The following ARHGEF26 variants were observed in gnomAD, a reference collection of about 807,000 sequenced individuals.
ARHGEF26 encodes the protein Rho guanine nucleotide exchange factor 26, also known as Rho guanine nucleotide exchange factor (GEF) 26.
In ARHGEF26, 59 loss-of-function variants were observed where a neutral mutation model predicts 89.4. The observed-to-expected ratio is 0.66, with a 90% CI of 0.54 to 0.82. The LOEUF is 0.82. Among genes scored for constraint, ARHGEF26 ranks in the 40% least tolerant of loss-of-function variants. The pLI is 0.00. For synonymous variants in ARHGEF26, 500 were observed against 428.4 expected (o/e 1.17, Z -2.06); for missense variants, 1,234 against 1,085.6 (o/e 1.14, Z -1.92).
At chr3:154,140,901 A>T (rs1719329859) in intron 4 of ARHGEF26, among the ~76,000 whole-genome samples, 1 of 150,654 alleles carries the variant, frequency 6.6e-6, no homozygotes, top group Non-Finnish European at 1.5e-5. Flanking sequence ...CATAACTTAC[A>T]CTTGAGCACT....
At chr3:154,171,863 G>T (rs10935978) in intron 6 of ARHGEF26, among the ~76,000 whole-genome samples, 23,326 of 152,082 alleles carry the variant, frequency 0.15, 2,142 homozygotes, top group East Asian at 0.38. Context: ...ATATTGAGAA[G>T]TTGGGGGTGG....
At position 154,122,289 on chromosome 3, in the gene ARHGEF26, G is replaced by A. The variant is rs1265346152; in HGVS notation, c.297G>A (p.Pro99=). The A allele has an allele frequency of 1.9e-6, 3 of 1,612,592 alleles. No homozygotes were observed. Among genetic ancestry groups the A allele is most frequent in the East Asian group, 4.5e-5 (2 of 44,832 alleles). The part of the protein sequence containing the change: ...RAVANGGTAS[P]EYRAASPRLR... The stretch of plus-strand genomic sequence containing the variant: ...TGGCCAATGGTGGGACGGCATCCCC[G>A]GAGTACAGGGCTGCCTCTCCTCGAC... The change falls in exon 2 of 15, where the codon CCG becomes CCA. Residue 99 remains proline, a synonymous_variant. Transcript: ENST00000465093.
intron 9 of ARHGEF26, among the ~76,000 whole-genome samples, chr3:154,209,720 G>A (rs921362947): frequency 6.6e-6 from 1 of 152,134 alleles, no homozygotes; most frequent in Non-Finnish European, 1.5e-5. Flanking sequence ...CACAGTGCTG[G>A]ATCTCGCTCA....
chr3:154,192,372 A>G (rs907374400), intron 8 of ARHGEF26, among the ~76,000 whole-genome samples: 1 of 152,242 alleles, frequency 6.6e-6, no homozygotes, highest in Non-Finnish European at 1.5e-5. Flanking sequence ...ATTCTTTAAA[A>G]ATGCTGAAAT....
intron 6 of ARHGEF26, among the ~76,000 whole-genome samples, chr3:154,156,737 G>GT (rs1720362049): frequency 1.3e-5 from 2 of 152,196 alleles, no homozygotes; most frequent in South Asian, 4.1e-4. Flanking sequence ...TGACACCCAA[G>GT]TGTTGGTAAC....
intron 6 of ARHGEF26, among the ~76,000 whole-genome samples, chr3:154,162,120 G>A (rs1355415697): frequency 6.6e-6 from 1 of 152,132 alleles, no homozygotes; most frequent in Non-Finnish European, 1.5e-5. Flanking sequence ...AACAATGACT[G>A]GGGTTTGGTT....
chr3:154,177,373 A>G (rs896415905), intron 6 of ARHGEF26, among the ~76,000 whole-genome samples: 2 of 152,196 alleles, frequency 1.3e-5, no homozygotes, highest in Admixed American at 1.3e-4. Flanking sequence ...AGCTTCCTAC[A>G]AGTGAAACCA....
At chr3:154,213,947 C>G (rs1292286011) in intron 9 of ARHGEF26, among the ~76,000 whole-genome samples, 1 of 152,116 alleles carries the variant, frequency 6.6e-6, no homozygotes, top group East Asian at 1.9e-4. Context: ...AGTCTGTGCT[C>G]TCCAGTCTTT....
intron 11 of ARHGEF26, among the ~76,000 whole-genome samples, chr3:154,228,437 T>A (rs887657633): frequency 2.3e-5 from 2 of 85,370 alleles, no homozygotes; most frequent in African/African-American, 7.2e-5. Flanking sequence ...GCACCTGGCC[T>A]TTTTTTTTTT....
rs542304200 is a variant in ARHGEF26, at chr3:154,156,794, C to T, written c.1487+3862C>T. On this transcript the variant is annotated intron_variant, in intron 6 of 14. Coordinates refer to ENST00000465093, the MANE Select transcript of ARHGEF26 (RefSeq NM_015595.4). ...AAGAGTTTGCAGTCCCAAGAAAATG[C>T]GAAATAAAATCTTGAGTAAAATAAA... 5.9e-5 allele frequency among the ~76,000 whole-genome samples: 9 copies of T among 152,128 alleles called. No homozygotes were observed. The East Asian group carries it at 9.6e-4, about 16-fold the overall frequency.
At chr3:154,158,879 A>G (rs1266177492) in intron 6 of ARHGEF26, among the ~76,000 whole-genome samples, 3 of 152,130 alleles carry the variant, frequency 2.0e-5, no homozygotes, top group Non-Finnish European at 4.4e-5. Context: ...GTGTTAATAT[A>G]AAAAGACCTA....
chr3:154,122,661 G>A lies in ARHGEF26; in HGVS notation c.669G>A (p.Gln223=). 6.2e-7 allele frequency: 1 copy of A among 1,613,916 alleles called. No homozygotes were observed. The highest frequency in any genetic ancestry group is 8.5e-7 in the Non-Finnish European group (1 of 1,179,888). Residue 223 remains glutamine, a synonymous_variant, in exon 2 of 15, where the codon CAG becomes CAA. Coordinates refer to ENST00000465093, the MANE Select transcript of ARHGEF26 (RefSeq NM_015595.4). The part of the protein sequence containing the change: ...QKLPLQRLPS[Q]ENELLENPSV... ...TCCCCCTCCAAAGGCTGCCCTCCCA[G>A]GAGAACGAGCTCCTCGAGAATCCTT...
intron 9 of ARHGEF26, among the ~76,000 whole-genome samples, chr3:154,215,758 T>C (rs945875332): frequency 6.6e-6 from 1 of 152,122 alleles, no homozygotes; most frequent in Admixed American, 6.5e-5. Context: ...ATCCTGTCTC[T>C]TCTTATAAGG....
chr3:154,149,275 G>A (rs1719874805), intron 4 of ARHGEF26, 114 bp from the exon 5 acceptor site: 1 of 642,904 alleles, frequency 1.6e-6, no homozygotes, highest in East Asian at 2.8e-5. Flanking sequence ...TCAACATTTT[G>A]TATAGTTTCT....
intron 6 of ARHGEF26, among the ~76,000 whole-genome samples, chr3:154,154,955 G>C (rs1720239860): frequency 6.6e-6 from 1 of 151,898 alleles, no homozygotes; most frequent in African/African-American, 2.4e-5. Flanking sequence ...CTAGATCAAA[G>C]GGTAAATGCG....
At position 154,122,694 on chromosome 3, in the gene ARHGEF26, T is replaced by A; in HGVS notation, c.702T>A (p.Val234=). 1.9e-6 allele frequency: 3 copies of A among 1,613,794 alleles called. 1 individual carries two copies. In the South Asian group the frequency reaches 3.3e-5, roughly 18 times the overall value. The change falls in exon 2 of 15, where the codon GTT becomes GTA. Residue 234 remains valine (V), a synonymous_variant. Transcript: ENST00000465093. ...AGCTCCTCGAGAATCCTTCCGTGGT[T>A]TTGAGTACAAACAGCCCCGCCGCCC... ...ENELLENPSV[V]LSTNSPAALK... is the part of the protein sequence containing the mutation.
chr3:154,142,627 A>G (rs1266384079), intron 4 of ARHGEF26, among the ~76,000 whole-genome samples: 1 of 152,158 alleles, frequency 6.6e-6, no homozygotes, highest in South Asian at 2.1e-4. Context: ...TCTCATTCCT[A>G]TCCACTGGTC....
chr3:154,253,525 T>TAA (rs1254787740), intron 13 of ARHGEF26, among the ~76,000 whole-genome samples: 1 of 152,246 alleles, frequency 6.6e-6, no homozygotes, highest in Non-Finnish European at 1.5e-5. Context: ...ACTTGAACTG[T>TAA]AAAGCCCTTA....
intron 3 of ARHGEF26, among the ~76,000 whole-genome samples, chr3:154,125,828 C>G (rs1439350194): frequency 1.3e-5 from 2 of 151,976 alleles, no homozygotes; most frequent in Non-Finnish European, 2.9e-5. Flanking sequence ...AGGATTCTTA[C>G]AGTTAATGAT....
Sources: allele counts gnomAD v4.1 joint callset (sites outside exome capture counted in the v4.1 genomes callset), GRCh38; gene constraint gnomAD v4.1.1; transcripts MANE v1.5; gene names NCBI Gene and HGNC (gene_info 2026-07-23, HGNC 2026-07-21).